The following SMIM36 variants were observed in gnomAD, a reference collection of about 807,000 sequenced individuals.
SMIM36 encodes the protein small integral membrane protein 36.
intron 3 of SMIM36, among the ~76,000 whole-genome samples, chr17:55,474,027 G>A (rs944686671): frequency 6.6e-6 from 1 of 152,008 alleles, no homozygotes; most frequent in Admixed American, 6.6e-5. Flanking sequence ...GCAGCCCCCA[G>A]TCACATATCC....
At chr17:55,472,781 T>C (rs1245059721) in intron 3 of SMIM36, among the ~76,000 whole-genome samples, 1 of 150,982 alleles carries the variant, frequency 6.6e-6, no homozygotes, top group Non-Finnish European at 1.5e-5. Flanking sequence ...GGCAGGAGAA[T>C]TGCTTGAAAC....
the SMIM36 span, among the ~76,000 whole-genome samples, chr17:55,517,730 A>G: frequency 6.6e-6 from 1 of 152,214 alleles, no homozygotes; most frequent in Non-Finnish European, 1.5e-5. Flanking sequence ...CCTTAGGATT[A>G]AATTGGAGAT....
chr17:55,481,850 T>C (rs1020169372), intron 1 of SMIM36, among the ~76,000 whole-genome samples: 2 of 152,102 alleles, frequency 1.3e-5, no homozygotes, highest in Non-Finnish European at 2.9e-5. Context: ...TATGCCACTA[T>C]GCCCAGCTAA....
intron 1 of SMIM36, among the ~76,000 whole-genome samples, chr17:55,486,965 C>T (rs760249802): frequency 3.3e-5 from 5 of 152,080 alleles, no homozygotes; most frequent in Non-Finnish European, 4.4e-5. Flanking sequence ...GTGTGTTGAG[C>T]GCAGACCATG....
chr17:55,515,019 G>T (rs868517336), upstream of SMIM36, among the ~76,000 whole-genome samples: 1 of 148,396 alleles, frequency 6.7e-6, no homozygotes, highest in Non-Finnish European at 1.5e-5. Flanking sequence ...TGACTTTCTC[G>T]AGTCCAAACA....
rs183338267 is a variant in SMIM36, at chr17:55,494,225, A to G, written c.*175-14645T>C. ...GGGAGGTGAAATAGATGTACGAGAC[A>G]CGCACTCCTTTTTTGAGGTGCTTAA... On this transcript the variant is annotated intron_variant, in intron 1 of 4. Transcript: ENST00000636752. 2.4e-4 allele frequency among the ~76,000 whole-genome samples: 37 copies of G among 152,286 alleles called. No homozygotes were observed. In the East Asian group the frequency reaches 6.9e-3, roughly 29 times the overall value.
intron 1 of SMIM36, among the ~76,000 whole-genome samples, chr17:55,482,759 CAT>C (rs752786627): frequency 6.6e-6 from 1 of 152,184 alleles, no homozygotes; most frequent in Non-Finnish European, 1.5e-5. Flanking sequence ...ACAGGGAAAA[CAT>C]GTACTTACTG....
intron 3 of SMIM36, among the ~76,000 whole-genome samples, chr17:55,475,377 C>T (rs9891045): frequency 0.22 from 34,175 of 152,030 alleles, 4,305 homozygotes; most frequent in Non-Finnish European, 0.28. Flanking sequence ...TACTTTTATA[C>T]TCACTCTTAT....
intron 1 of SMIM36, among the ~76,000 whole-genome samples, chr17:55,483,165 A>C (rs988496972): frequency 6.6e-6 from 1 of 152,200 alleles, no homozygotes; most frequent in African/African-American, 2.4e-5. Context: ...ATTTTTTGTC[A>C]GCTCTGTCTA....
At chr17:55,472,912 C>T (rs1368366637) in intron 3 of SMIM36, among the ~76,000 whole-genome samples, 1 of 151,618 alleles carries the variant, frequency 6.6e-6, no homozygotes, top group Non-Finnish European at 1.5e-5. Context: ...AATGCCTCTG[C>T]CGACAGGATA....
chr17:55,481,223 G>A (rs1312238936), intron 1 of SMIM36, among the ~76,000 whole-genome samples: 2 of 151,982 alleles, frequency 1.3e-5, no homozygotes, highest in Non-Finnish European at 2.9e-5. Flanking sequence ...CATACTCAGA[G>A]CTTATTTACT....
At chr17:55,531,700 AC>A in the SMIM36 span, among the ~76,000 whole-genome samples, 1 of 152,196 alleles carries the variant, frequency 6.6e-6, no homozygotes, top group Non-Finnish European at 1.5e-5. Flanking sequence ...TGTATGGGCT[AC>A]TTTTATTGTG....
the SMIM36 span, among the ~76,000 whole-genome samples, chr17:55,522,606 C>T: frequency 0.016 from 2,483 of 152,220 alleles, 64 homozygotes; most frequent in African/African-American, 0.057. Context: ...GGGCAAACTG[C>T]CCCTGTGATT....
At chr17:55,470,212 A>C (rs1293236905) in intron 3 of SMIM36, among the ~76,000 whole-genome samples, 2 of 152,052 alleles carry the variant, frequency 1.3e-5, no homozygotes, top group Non-Finnish European at 2.9e-5. Flanking sequence ...GAGCCCCTGG[A>C]ACTCTGGCCC....
At chr17:55,469,017 G>A (rs943462120) in intron 3 of SMIM36, among the ~76,000 whole-genome samples, 22 of 152,062 alleles carry the variant, frequency 1.4e-4, no homozygotes, top group African/African-American at 4.6e-4. Flanking sequence ...TGCTCCCAAT[G>A]AGACTCGTCC....
intron 1 of SMIM36, among the ~76,000 whole-genome samples, chr17:55,509,920 A>G (rs969958086): frequency 6.6e-6 from 1 of 152,146 alleles, no homozygotes; most frequent in Admixed American, 6.5e-5. Context: ...AATTCTTTCA[A>G]TGAGTTTTCA....
intron 1 of SMIM36, among the ~76,000 whole-genome samples, chr17:55,493,427 AG>A (rs1266741837): frequency 6.6e-6 from 1 of 152,168 alleles, no homozygotes; most frequent in Non-Finnish European, 1.5e-5. Context: ...AACCAAGCAC[AG>A]GGTCAACTGA....
At chr17:55,485,817 T>G (rs763649385) in intron 1 of SMIM36, among the ~76,000 whole-genome samples, 2 of 152,196 alleles carry the variant, frequency 1.3e-5, no homozygotes, top group Non-Finnish European at 2.9e-5. Context: ...ACGGAGGCAC[T>G]GAGAAATTAG....
At chr17:55,520,739 T>C in the SMIM36 span, among the ~76,000 whole-genome samples, 2 of 152,172 alleles carry the variant, frequency 1.3e-5, no homozygotes, top group Admixed American at 1.3e-4. Context: ...TATTTTCAGA[T>C]TGTGTTTGGC....
Sources: allele counts gnomAD v4.1 joint callset (sites outside exome capture counted in the v4.1 genomes callset), GRCh38; gene constraint gnomAD v4.1.1; transcripts MANE v1.5; gene names NCBI Gene and HGNC (gene_info 2026-07-23, HGNC 2026-07-21).